The following SAMD11 variants were observed in gnomAD, a reference collection of about 807,000 sequenced individuals.
The protein encoded by SAMD11 is sterile alpha motif domain containing 11.
A neutral mutation model predicts 64.4 loss-of-function variants in SAMD11; 77 were observed. The ratio of observed to expected loss-of-function variants is 1.20; its 90% CI spans 0.99 to 1.44. SAMD11 has a LOEUF of 1.44. SAMD11 is among the 40% of genes most tolerant of loss of function. The pLI is 0.00. For missense variants in SAMD11, 1,402 were observed against 943.3 expected (o/e 1.49, Z -6.37); for synonymous variants, 658 against 421.9 (o/e 1.56, Z -6.86).
chr1:926,168 C>G (rs993001160), intron 2 of SAMD11, among the ~76,000 whole-genome samples, 155 bp downstream of exon 2: 4 of 152,234 alleles, frequency 2.6e-5, no homozygotes, highest in Admixed American at 2.0e-4. Flanking sequence ...GGCTTTACCT[C>G]GTGCTCTCCC....
rs1349174589 is a variant in SAMD11 at position 935,799 on chromosome 1, A to G, written c.870A>G (p.Ile290Met). ...CSQDGNLPTL[I>M]SSVHRSRHLV... The stretch of plus-strand genomic sequence containing the variant: ...AGGACGGCAACCTTCCCACCCTCAT[A>G]TCCAGCGTCCACCGCAGCCGCCACC... The change falls in exon 5 of 14, where the codon ATA becomes ATG. Residue 290 changes from isoleucine to methionine, a missense_variant. By Grantham distance (10) the Ile-to-Met change is conservative. Coordinates refer to ENST00000616016, the MANE Select transcript of SAMD11 (RefSeq NM_001385641.1). The G allele has an allele frequency of 6.2e-7, 1 of 1,613,080 alleles. No homozygotes were observed. Among genetic ancestry groups the G allele is most frequent in the African/African-American group, 1.3e-5 (1 of 74,870 alleles).
rs548232257 is a variant in SAMD11, at chr1:924,603, G to T, written c.172G>T (p.Gly58Cys). Residue 58 changes from glycine (G) to cysteine (C), a missense_variant, in exon 1 of 14, where the codon GGT becomes TGT. Transcript: ENST00000616016. ...PAASLPASAA[G>C]YEALLAPPLR... The stretch of plus-strand genomic sequence containing the variant: ...CGCCTCGCTGCCCGCCTCGGCCGCC[G>T]GTTACGAGGCTCTGCTGGCCCCGCC... The T allele has an allele frequency of 6.6e-6, 1 of 151,544 alleles. No individual in the cohort carries two copies. Among genetic ancestry groups the T allele is most frequent in the South Asian group, 1.9e-4 (1 of 5,232 alleles). The allele number at this position is 151,544 out of a possible 1,614,324, so 9.4% of individuals were successfully genotyped here. A position where few individuals can be genotyped will look rare whatever the true frequency, so the allele number is the denominator to read the frequency against.
intron 4 of SAMD11, among the ~76,000 whole-genome samples, chr1:932,284 G>A (rs754174170): frequency 6.6e-6 from 1 of 152,138 alleles, no homozygotes; most frequent in African/African-American, 2.4e-5. Context: ...CTCCAGTAAC[G>A]GCTCCTCCTG....
intron 9 of SAMD11, 57 bp from the exon 10 acceptor site, chr1:942,353 G>A (rs1215411024): frequency 8.3e-7 from 1 of 1,204,244 alleles, no homozygotes; most frequent in Non-Finnish European, 1.1e-6. Context: ...GGATTGCAAA[G>A]GGCCGGCTCG....
At chr1:941,360 C>A in intron 8 of SAMD11, 54 bp downstream of exon 8, 1 of 1,433,128 alleles carries the variant, frequency 7.0e-7, no homozygotes, top group South Asian at 1.4e-5. Flanking sequence ...CCCGCACCCC[C>A]GCGCTCTCAG....
chr1:932,188 T>C (rs1641197815), intron 4 of SAMD11, among the ~76,000 whole-genome samples: 1 of 152,226 alleles, frequency 6.6e-6, no homozygotes, highest in Admixed American at 6.5e-5. Flanking sequence ...CTGATGACAT[T>C]TTATGAGCCT....
intron 8 of SAMD11, among the ~76,000 whole-genome samples, chr1:941,707 C>G (rs1252316435): frequency 2.0e-5 from 3 of 152,122 alleles, no homozygotes; most frequent in Admixed American, 6.5e-5. Flanking sequence ...CCGGGTTTCT[C>G]GGGTCCAGGA....
intron 2 of SAMD11, among the ~76,000 whole-genome samples, chr1:928,159 C>G (rs564895267): frequency 1.3e-5 from 2 of 151,454 alleles, no homozygotes; most frequent in African/African-American, 4.8e-5. Context: ...TTTGGGAGGC[C>G]GAGGCGGGCG....
chr1:935,983 C>T lies in SAMD11; in HGVS notation c.967+87C>T, dbSNP rs1641413640. 5 of 1,414,940 alleles carry T rather than the reference C, an allele frequency of 3.5e-6. No homozygotes were observed. The East Asian group carries it at 7.4e-5, about 21-fold the overall frequency. The allele number at this position is 1,414,940 out of a possible 1,614,324, so 87.6% of individuals were successfully genotyped here. Reference sequence around the variant, plus strand: ...CTCCACTCAGCACCAGCAGCCTTGGCAGGCAGCCAGAGAGGCAGGAGGAGC... The same window carrying T: ...CTCCACTCAGCACCAGCAGCCTTGGTAGGCAGCCAGAGAGGCAGGAGGAGC... On this transcript the variant is annotated intron_variant, in intron 5 of 13. Coordinates refer to ENST00000616016, the MANE Select transcript of SAMD11 (RefSeq NM_001385641.1).
At chr1:925,547 C>T (rs1025526142) in intron 1 of SAMD11, among the ~76,000 whole-genome samples, 1 of 152,158 alleles carries the variant, frequency 6.6e-6, no homozygotes, top group African/African-American at 2.4e-5. Flanking sequence ...GCGGTGGCCG[C>T]CTCTTCCTGC....
chr1:926,919 G>A (rs1047172837), intron 2 of SAMD11, among the ~76,000 whole-genome samples: 3 of 152,148 alleles, frequency 2.0e-5, no homozygotes, highest in African/African-American at 7.2e-5. Context: ...GAGGGTCCCG[G>A]GCGTACCTCC....
chr1:936,808 C>T (rs1294472092), intron 5 of SAMD11, among the ~76,000 whole-genome samples: 2 of 152,196 alleles, frequency 1.3e-5, no homozygotes, highest in African/African-American at 2.4e-5. Context: ...TTGGAGACAG[C>T]TGAGAGGCGG....
chr1:932,637 C>T (rs896507297), intron 4 of SAMD11, among the ~76,000 whole-genome samples: 2 of 152,250 alleles, frequency 1.3e-5, no homozygotes, highest in African/African-American at 2.4e-5. Context: ...GTCCCTGGGT[C>T]CTTCTGCCTC....
At chr1:933,581 T>A (rs1641269635) in intron 4 of SAMD11, among the ~76,000 whole-genome samples, 1 of 152,138 alleles carries the variant, frequency 6.6e-6, no homozygotes, top group South Asian at 2.1e-4. Context: ...CCATGGCAGC[T>A]GTGGCTACTG....
Position 925,950 on chromosome 1 carries a change from G to C in SAMD11, c.546G>C (p.Lys182Asn). The C allele has an allele frequency of 6.2e-7, 1 of 1,611,946 alleles. No individual in the cohort carries two copies. The highest frequency in any genetic ancestry group is 8.5e-7 in the Non-Finnish European group (1 of 1,179,894). ...AAAGTCTGAAGACGCTTATGTCCAA[G>C]GGGATCCTGCAGGTGCATCCTCCGA... ...KGKSLKTLMS[K>N]GILQVHPPIC... The change falls in exon 2 of 14, where the codon AAG becomes AAC. Residue 182 changes from lysine (K) to asparagine (N), a missense_variant. By Grantham distance (94) the Lys-to-Asn change is moderately conservative. Coordinates refer to ENST00000616016, the MANE Select transcript of SAMD11 (RefSeq NM_001385641.1).
intron 5 of SAMD11, among the ~76,000 whole-genome samples, chr1:937,334 G>A (rs1046482261): frequency 6.6e-6 from 1 of 152,126 alleles, no homozygotes. Context: ...GGGTCCATGA[G>A]TGAGGAGTGA....
Position 943,931 on chromosome 1 carries a change from T to G in SAMD11, c.2313T>G (p.Val771=), listed in dbSNP as rs1486784342. The G allele has an allele frequency of 6.2e-7, 1 of 1,612,612 alleles. No homozygotes were observed. ...AGGTGGCCAGGCGCCTGGGCCGAGT[T>G]TTCTACGTGGCCAGCTTCCCCGTGG... ...RAQVARRLGR[V]FYVASFPVAL... Residue 771 remains valine, a synonymous_variant, in exon 14 of 14, where the codon GTT becomes GTG. Coordinates refer to ENST00000616016, the MANE Select transcript of SAMD11 (RefSeq NM_001385641.1).
At chr1:933,985 A>AGGCTGCTCCGTTACAGGTGGGCGGGGGGG (rs1641290214) in intron 4 of SAMD11, among the ~76,000 whole-genome samples, 1 of 148,044 alleles carries the variant, frequency 6.8e-6, no homozygotes, top group African/African-American at 2.6e-5. Flanking sequence ...TGGGCAGGGG[A>AGGCTGCTCCGTTACAGGTGGGCGGGGGGG]GGCGGCTGCG....
intron 4 of SAMD11, among the ~76,000 whole-genome samples, 154 bp from the exon 5 acceptor site, chr1:935,618 G>A (rs905026024): frequency 3.3e-5 from 5 of 152,202 alleles, no homozygotes; most frequent in Non-Finnish European, 5.9e-5. Context: ...ACACAGTGGC[G>A]TCACGGGCCA....
Sources: gnomAD v4.1 joint callset for allele counts (sites outside exome capture counted in the v4.1 genomes callset) on GRCh38, gnomAD v4.1.1 for gene constraint, MANE v1.5 for transcripts, NCBI Gene and HGNC (gene_info 2026-07-23, HGNC 2026-07-21) for gene names.